The following CFAP46 variants were observed in gnomAD, a reference collection of about 807,000 sequenced individuals.
CFAP46 encodes cilia- and flagella-associated protein 46.
Under a neutral mutation model 325.7 loss-of-function variants are expected in CFAP46, and 245 were observed. The ratio of observed to expected loss-of-function variants is 0.75; its 90% CI spans 0.68 to 0.84. The LOEUF (loss-of-function observed/expected upper bound fraction) is 0.84, where lower values mean the gene tolerates loss of function less well. CFAP46 is among the 40% of genes least tolerant of loss of function. The pLI is 0.00. For synonymous variants in CFAP46, 1,523 were observed against 1,495.9 expected (o/e 1.02, Z -0.42); for missense variants, 3,346 against 3,543.0 (o/e 0.94, Z 1.41).
Position 132,884,954 on chromosome 10 carries a change from G to T in CFAP46, c.3627+149C>A. The T allele has an allele frequency of 1.2e-6, 1 of 815,384 alleles. No homozygotes were observed. Among genetic ancestry groups the T allele is most frequent in the Non-Finnish European group, 1.9e-6 (1 of 537,792 alleles). 50.5% of individuals were successfully genotyped at this position (815,384 alleles called of 1,614,324 possible). The stretch of plus-strand genomic sequence containing the variant: ...ACTGGTCAGCAAGAGGAGTGCCCGG[G>T]GCCACGCGGTGCATTCTCTGTGCCC... On this transcript the variant is annotated intron_variant, in intron 27 of 57. Transcript: ENST00000368586. The surrounding 1 kb of genome is among the most constrained non-coding windows in gnomAD (Gnocchi z 5.4).
At chr10:132,826,655 G>A (rs1355244933) in intron 50 of CFAP46, among the ~76,000 whole-genome samples, 44 of 131,406 alleles carry the variant, frequency 3.3e-4, no homozygotes, top group Non-Finnish European at 5.5e-4. Context: ...GACCAGCCAC[G>A]GAGCCAGGGA....
At chr10:132,813,059 CTGTGCTCTG>C (rs1847614245) in intron 54 of CFAP46, among the ~76,000 whole-genome samples, 162 bp from the exon 55 acceptor site, 1 of 152,300 alleles carries the variant, frequency 6.6e-6, no homozygotes, top group African/African-American at 2.4e-5. Context: ...CCTCCCTCCT[CTGTGCTCTG>C]ATCACAGGGG....
At chr10:132,913,381 G>GGGGGGGGC in intron 17 of CFAP46, 123 bp from the exon 18 acceptor site, 1 of 350,508 alleles carries the variant, frequency 2.9e-6, no homozygotes, top group Non-Finnish European at 5.7e-6. Flanking sequence ...GGGCGGGTGG[G>GGGGGGGGC]CGGCGACCAA....
intron 35 of CFAP46, among the ~76,000 whole-genome samples, chr10:132,863,328 C>G (rs192304902): frequency 1.3e-5 from 2 of 152,278 alleles, no homozygotes; most frequent in Admixed American, 1.3e-4. Context: ...AGGAGCTCTT[C>G]CACACCTCCA....
chr10:132,919,504 A>G lies in CFAP46; in HGVS notation c.1731-62T>C. 3 of 1,503,032 alleles carry G rather than the reference A, an allele frequency of 2.0e-6. No individual in the cohort carries two copies. Among genetic ancestry groups the G allele is most frequent in the Non-Finnish European group, 2.7e-6 (3 of 1,124,016 alleles). 93.1% of individuals were successfully genotyped at this position (1,503,032 alleles called of 1,614,324 possible). ...AGACAAGTGTGGTTGCTGAAGTTAG[A>G]AAACACCTGGGCTGGCTGCCTGAGA... On this transcript the variant is annotated intron_variant, in intron 14 of 57. Transcript: ENST00000368586. This position sits in a 1 kb window ranked among gnomAD's most constrained non-coding sequence, Gnocchi z 9.7.
intron 22 of CFAP46, among the ~76,000 whole-genome samples, chr10:132,901,107 T>C (rs1343353025): frequency 2.0e-5 from 3 of 152,230 alleles, no homozygotes; most frequent in African/African-American, 7.2e-5. Context: ...GTCTATACAT[T>C]TGAAGAGGGT....
intron 4 of CFAP46, among the ~76,000 whole-genome samples, chr10:132,940,705 G>A (rs1022744058): frequency 2.0e-5 from 3 of 152,156 alleles, no homozygotes; most frequent in Non-Finnish European, 2.9e-5. Context: ...AGCCTCCCCA[G>A]CAGTTGGGAT....
At chr10:132,821,000 ATGTGTGCTG>A (rs1166083899) in intron 50 of CFAP46, among the ~76,000 whole-genome samples, 2 of 70,204 alleles carry the variant, frequency 2.8e-5, no homozygotes, top group South Asian at 5.0e-4. Flanking sequence ...GTGTGTGCTG[ATGTGTGCTG>A]TGTGTGCTGT....
chr10:132,878,858 G>T (rs1848995652), intron 29 of CFAP46, among the ~76,000 whole-genome samples: 1 of 152,236 alleles, frequency 6.6e-6, no homozygotes, highest in Non-Finnish European at 1.5e-5. Context: ...GCCCTGCTGG[G>T]GTGTAGCCTG....
At chr10:132,823,941 T>A (rs1591036411) in intron 50 of CFAP46, among the ~76,000 whole-genome samples, 3 of 142,644 alleles carry the variant, frequency 2.1e-5, no homozygotes, top group Admixed American at 2.1e-4. Context: ...ATGTGTGCTG[T>A]GTGTGCAGTG....
Position 132,851,227 on chromosome 10 carries a change from G to A in CFAP46, c.5653C>T (p.Leu1885Phe), listed in dbSNP as rs766124923. The change falls in exon 40 of 58, where the codon CTC becomes TTC. Residue 1885 changes from leucine to phenylalanine, a missense_variant. Coordinates refer to ENST00000368586, the MANE Select transcript of CFAP46 (RefSeq NM_001200049.3). Reference sequence around the variant, plus strand: ...TGGGCCTCCTCCCAGATGAACTGGAGCATGTCCAGAGCCATTTCCACGAGG... The same window carrying A: ...TGGGCCTCCTCCCAGATGAACTGGAACATGTCCAGAGCCATTTCCACGAGG... ...LGLVEMALDM[L>F]QFIWEEAHGQ... The A allele has an allele frequency of 1.2e-6, 2 of 1,614,126 alleles. No homozygotes were observed. Among genetic ancestry groups the A allele is most frequent in the South Asian group, 1.1e-5 (1 of 91,088 alleles).
intron 34 of CFAP46, 112 bp downstream of exon 34, chr10:132,867,255 CCCCTCACA>C (rs1848828384): frequency 8.0e-7 from 1 of 1,245,602 alleles, no homozygotes; most frequent in South Asian, 1.5e-5. Context: ...CCCAGGCCGG[CCCCTCACA>C]CACTGACACA....
chr10:132,886,311 T>G lies in CFAP46; in HGVS notation c.3305-352A>C, dbSNP rs970077402. ...GCAGGACTTGGGGTCCTTTCAGGAGTTGCATGGAAAGCTCCCCCGCGGCCG... is the reference window on the plus strand; with the variant it reads ...GCAGGACTTGGGGTCCTTTCAGGAGGTGCATGGAAAGCTCCCCCGCGGCCG... On this transcript the variant is annotated intron_variant, in intron 25 of 57. Coordinates refer to ENST00000368586, the MANE Select transcript of CFAP46 (RefSeq NM_001200049.3). The surrounding 1 kb of genome is among the most constrained non-coding windows in gnomAD (Gnocchi z 5.8). 6.6e-6 allele frequency among the ~76,000 whole-genome samples: 1 copy of G among 151,942 alleles called. No homozygotes were observed. Among genetic ancestry groups the G allele is most frequent in the African/African-American group, 2.4e-5 (1 of 41,360 alleles).
At chr10:132,878,465 C>A (rs145753277) in intron 29 of CFAP46, among the ~76,000 whole-genome samples, 1 of 152,172 alleles carries the variant, frequency 6.6e-6, no homozygotes, top group South Asian at 2.1e-4. Context: ...ACGCTAGGCA[C>A]GCCTCCTTGG....
intron 50 of CFAP46, among the ~76,000 whole-genome samples, chr10:132,820,037 TAG>T (rs1329869421): frequency 6.6e-6 from 1 of 152,120 alleles, no homozygotes; most frequent in African/African-American, 2.4e-5. Context: ...TATAATACAA[TAG>T]TAAAAAACCA....
intron 50 of CFAP46, among the ~76,000 whole-genome samples, chr10:132,821,522 GTGCTGA>G (rs1847828005): frequency 7.1e-6 from 1 of 141,282 alleles, no homozygotes; most frequent in Non-Finnish European, 1.5e-5. Context: ...TGTGTGCTGT[GTGCTGA>G]TGTGTGCTGA....
Position 132,832,674 on chromosome 10 carries a change from G to T in CFAP46, c.7117+684C>A. ...TGCAGAAAACTGCACGTACCGCAAG[G>T]GTAGCGCTCGGGGAAGCTTCACAAC... On this transcript the variant is annotated intron_variant, in intron 50 of 57. Transcript: ENST00000368586. The surrounding 1 kb of genome is among the most constrained non-coding windows in gnomAD (Gnocchi z 4.1). The T allele has an allele frequency of 2.3e-6, 1 of 443,930 alleles. No homozygotes were observed. The allele number at this position is 443,930 out of a possible 1,614,324, so 27.5% of individuals were successfully genotyped here. A position where few individuals can be genotyped will look rare whatever the true frequency, so the allele number is the denominator to read the frequency against.
Position 132,811,140 on chromosome 10 carries a change from G to A in CFAP46, c.7502-109C>T, listed in dbSNP as rs529609640. 1.1e-4 allele frequency: 100 copies of A among 928,262 alleles called. No individual in the cohort carries two copies. The Middle Eastern group carries it at 1.2e-3, about 11-fold the overall frequency. 57.5% of individuals were successfully genotyped at this position (928,262 alleles called of 1,614,324 possible). A position where few individuals can be genotyped will look rare whatever the true frequency, so the allele number is the denominator to read the frequency against. ...CCAAGGGCGCAGCAGGGCATGGCACGCTGGCCACTCAGCTCCGGGCTCCGA... is the reference window on the plus strand; with the variant it reads ...CCAAGGGCGCAGCAGGGCATGGCACACTGGCCACTCAGCTCCGGGCTCCGA... On this transcript the variant is annotated intron_variant, in intron 55 of 57. Coordinates refer to ENST00000368586, the MANE Select transcript of CFAP46 (RefSeq NM_001200049.3).
At chr10:132,836,253 GC>G in intron 45 of CFAP46, 35 bp from the exon 46 acceptor site, 1 of 1,601,978 alleles carries the variant, frequency 6.2e-7, no homozygotes, top group Non-Finnish European at 8.5e-7. Context: ...TCGCAGGCAA[GC>G]CATGAAGGAA....
Sources: gnomAD v4.1 joint callset for allele counts (sites outside exome capture counted in the v4.1 genomes callset) on GRCh38, gnomAD v4.1.1 for gene constraint, Gnocchi (gnomAD v3.1) non-coding constraint, MANE v1.5 for transcripts, NCBI Gene and HGNC (gene_info 2026-07-23, HGNC 2026-07-21) for gene names.